Variants in FGD6 observed in about 807,000 individuals in gnomAD.
FGD6 encodes the protein FYVE, RhoGEF and PH domain-containing protein 6.
FGD6 carries 90 observed loss-of-function variants against 149.4 expected under a neutral mutation model. The ratio of observed to expected loss-of-function variants is 0.60; its 90% confidence interval spans 0.51 to 0.72. FGD6 has a LOEUF of 0.72. FGD6 is among the 30% of genes least tolerant of loss of function. FGD6 has a pLI of 0.00. For missense variants in FGD6, 1,437 were observed against 1,684.8 expected, an observed-to-expected ratio of 0.85 and a Z score of 2.57; for synonymous variants, 527 against 584.0, an observed-to-expected ratio of 0.90 and a Z score of 1.41.
At chr12:95,180,439 G>A (rs1366002829) in intron 2 of FGD6, among the ~76,000 whole-genome samples, 1 of 147,876 alleles carries the variant, frequency 6.8e-6, no homozygotes, top group African/African-American at 2.5e-5. Flanking sequence ...GCACACCCAG[G>A]TTAGAGTGCA....
intron 14 of FGD6, among the ~76,000 whole-genome samples, chr12:95,102,454 A>AAAC (rs1555216914): frequency 2.0e-5 from 3 of 151,056 alleles, no homozygotes; most frequent in African/African-American, 7.3e-5. Flanking sequence ...AAAAAAAAAA[A>AAAC]AAAAAAAAAA....
At chr12:95,162,484 G>A (rs1375782414) in intron 3 of FGD6, among the ~76,000 whole-genome samples, 2 of 152,190 alleles carry the variant, frequency 1.3e-5, no homozygotes, top group East Asian at 1.9e-4. Flanking sequence ...TCAAGATTGC[G>A]CCACTGTACT....
In FGD6 at chr12:95,211,118, G is replaced by A; in HGVS notation, c.166C>T (p.Pro56Ser). 6.2e-7 allele frequency: 1 copy of A among 1,614,196 alleles called. No homozygotes were observed. Among genetic ancestry groups the A allele is most frequent in the South Asian group, 1.1e-5 (1 of 91,080 alleles). The change falls in exon 2 of 21, where the codon CCA (proline) becomes TCA (serine). Residue 56 changes from proline to serine, a missense_variant. Transcript: ENST00000343958. ...ACAGGTGAGGTCTTCAGGACTTTTG[G>A]TTTTGGGGCTATTGCTGGTTTCATT... ...KKMKPAIAPK[P>S]KVLKTSPVRE...
Position 95,078,416 on chromosome 12 carries a change from T to C in FGD6, c.*3104A>G, listed in dbSNP as rs1877564513. On this transcript the variant is annotated 3_prime_UTR_variant, in exon 21 of 21. Coordinates refer to ENST00000343958, the MANE Select transcript of FGD6 (RefSeq NM_018351.4). ...TTTACATTTTAACTAAATTACCAAA[T>C]AGGAGACTTTCCCCACATCTAGATA... 6.6e-6 allele frequency: 1 copy of C among 152,208 alleles called. No homozygotes were observed. The highest frequency in any genetic ancestry group is 6.5e-5 in the Admixed American group (1 of 15,276). 9.4% of individuals were successfully genotyped at this position (152,208 alleles called of 1,614,324 possible).
intron 3 of FGD6, among the ~76,000 whole-genome samples, chr12:95,166,207 C>T (rs975850610): frequency 6.6e-6 from 1 of 152,128 alleles, no homozygotes; most frequent in Admixed American, 6.5e-5. Context: ...AGCCACCATA[C>T]CCAGCCTGAT....
At chr12:95,171,539 G>A (rs1220805816) in intron 3 of FGD6, among the ~76,000 whole-genome samples, 3 of 152,076 alleles carry the variant, frequency 2.0e-5, no homozygotes, top group Admixed American at 1.3e-4. Flanking sequence ...TTTTTGAGAC[G>A]GAGTCTCACT....
At chr12:95,100,068 C>CCA (rs1365570007) in intron 14 of FGD6, among the ~76,000 whole-genome samples, 4 of 99,558 alleles carry the variant, frequency 4.0e-5, no homozygotes, top group Admixed American at 1.1e-4. Context: ...CCCCCCCCCC[C>CCA]ACCCCATATA....
chr12:95,147,316 T>C (rs1375167829), intron 5 of FGD6, among the ~76,000 whole-genome samples: 1 of 152,186 alleles, frequency 6.6e-6, no homozygotes, highest in Non-Finnish European at 1.5e-5. Context: ...CTTCCCTCTC[T>C]ATATGTAGAC....
In FGD6 at chr12:95,079,404, GAAGA is replaced by G. The variant is rs1304007229; in HGVS notation, c.*2112_*2115del. ...TGGCTCATGATTCAGCCAGGTCTTA[GAAGA>G]TAGAATAGCCTGGCTGATATTTTTT... On this transcript the variant is annotated 3_prime_UTR_variant, in exon 21 of 21. Coordinates refer to ENST00000343958, the MANE Select transcript of FGD6 (RefSeq NM_018351.4). 6.6e-6 allele frequency: 1 copy of G among 152,188 alleles called. No homozygotes were observed. Among genetic ancestry groups the G allele is most frequent in the African/African-American group, 2.4e-5 (1 of 41,448 alleles). The allele number at this position is 152,188 out of a possible 1,614,324, so 9.4% of individuals were successfully genotyped here. A position where few individuals can be genotyped will look rare whatever the true frequency, so the allele number is the denominator to read the frequency against.
At chr12:95,196,402 T>C (rs1028268389) in intron 2 of FGD6, among the ~76,000 whole-genome samples, 1 of 151,926 alleles carries the variant, frequency 6.6e-6, no homozygotes, top group African/African-American at 2.4e-5. Context: ...AGCTAATTTT[T>C]TGTCTTTTTA....
At chr12:95,216,728 A>G (rs2056804295) in intron 1 of FGD6, among the ~76,000 whole-genome samples, 1 of 151,626 alleles carries the variant, frequency 6.6e-6, no homozygotes, top group South Asian at 2.1e-4. Flanking sequence ...CTCAGGTAAC[A>G]GAGGTAAAAC....
chr12:95,080,910 AC>A lies in FGD6; in HGVS notation c.*609del, dbSNP rs1052569600. The A allele has an allele frequency of 6.6e-6, 1 of 152,078 alleles. No individual in the cohort carries two copies. Among genetic ancestry groups the A allele is most frequent in the African/African-American group, 2.4e-5 (1 of 41,404 alleles). 9.4% of individuals were successfully genotyped at this position (152,078 alleles called of 1,614,324 possible). A position where few individuals can be genotyped will look rare whatever the true frequency, so the allele number is the denominator to read the frequency against. On this transcript the variant is annotated 3_prime_UTR_variant, in exon 21 of 21. Coordinates refer to ENST00000343958, the MANE Select transcript of FGD6 (RefSeq NM_018351.4). ...ATAATTCTTTGATGATGTAATATTA[AC>A]TCCTGCCAAAGAGGTACCTAACAAC...
chr12:95,101,725 C>T (rs1400341011), intron 14 of FGD6, among the ~76,000 whole-genome samples: 1 of 145,382 alleles, frequency 6.9e-6, no homozygotes, highest in Non-Finnish European at 1.5e-5. Context: ...ACTCTGTTGC[C>T]AGGTTGGAGT....
intron 3 of FGD6, among the ~76,000 whole-genome samples, chr12:95,159,230 G>C (rs1338293400): frequency 6.6e-6 from 1 of 152,048 alleles, no homozygotes; most frequent in Non-Finnish European, 1.5e-5. Flanking sequence ...TCAGGACCTT[G>C]CTCTGCCAGG....
chr12:95,121,812 C>T (rs1250483792), intron 8 of FGD6, among the ~76,000 whole-genome samples: 6 of 151,982 alleles, frequency 3.9e-5, no homozygotes, highest in African/African-American at 1.2e-4. Context: ...TGTGTCACAA[C>T]GCCCAGCTAA....
chr12:95,210,117 T>TTCCA lies in FGD6; in HGVS notation c.1163_1166dup (p.Glu389AspfsTer6), dbSNP rs1470966633. The TTCCA allele has an allele frequency of 6.2e-7, 1 of 1,614,148 alleles. No homozygotes were observed. Among genetic ancestry groups the TTCCA allele is most frequent in the Non-Finnish European group, 8.5e-7 (1 of 1,180,018 alleles). ...CTAAGTCCTGTGCATCACTGTTGGA[T>TTCCA]TCCATATTCAATTCACTTTTATTTC... On this transcript the variant is annotated frameshift_variant, in exon 2 of 21. Transcript: ENST00000343958. LOFTEE classifies it high-confidence loss of function.
At chr12:95,192,737 C>T (rs1442726624) in intron 2 of FGD6, among the ~76,000 whole-genome samples, 2 of 152,118 alleles carry the variant, frequency 1.3e-5, no homozygotes, top group African/African-American at 4.8e-5. Flanking sequence ...GTTACCTTTC[C>T]TACATTGGAA....
At chr12:95,153,329 T>TA (rs1880365240) in intron 3 of FGD6, among the ~76,000 whole-genome samples, 1 of 152,128 alleles carries the variant, frequency 6.6e-6, no homozygotes, top group African/African-American at 2.4e-5. Flanking sequence ...CCCTTACAGA[T>TA]AGATACCAGA....
At chr12:95,159,247 A>C (rs1880568961) in intron 3 of FGD6, among the ~76,000 whole-genome samples, 1 of 152,144 alleles carries the variant, frequency 6.6e-6, no homozygotes, top group African/African-American at 2.4e-5. Flanking sequence ...CAGGGCCTGC[A>C]TTACACAGAC....
Sources: allele counts gnomAD v4.1 joint callset (sites outside exome capture counted in the v4.1 genomes callset), GRCh38; gene constraint gnomAD v4.1.1; transcripts MANE v1.5; gene names NCBI Gene and HGNC (gene_info 2026-07-23, HGNC 2026-07-21).